Variants in ZNF385D observed in about 807,000 individuals in gnomAD.
ZNF385D encodes zinc finger protein 385D, also known as zinc finger protein 659.
ZNF385D carries 15 observed loss-of-function variants against 35.8 expected under a neutral mutation model. The ratio of observed to expected loss-of-function variants is 0.42; its 90% CI spans 0.28 to 0.64. The LOEUF (loss-of-function observed/expected upper bound fraction) is 0.64. ZNF385D is among the 30% of genes least tolerant of loss of function. ZNF385D has a pLI of 0.23. For synonymous variants in ZNF385D, 212 were observed against 186.8 expected (o/e 1.13, Z -1.10); for missense variants, 474 against 494.6 (o/e 0.96, Z 0.39).
chr3:22,330,182 T>A (rs895076961), intron 2 of ZNF385D, among the ~76,000 whole-genome samples: 3 of 152,218 alleles, frequency 2.0e-5, no homozygotes, highest in African/African-American at 7.2e-5. Flanking sequence ...TTACAAGAAG[T>A]ATTCTTATTT....
chr3:22,272,483 T>G (rs1349385211), intron 2 of ZNF385D, among the ~76,000 whole-genome samples: 1 of 152,044 alleles, frequency 6.6e-6, no homozygotes, highest in Non-Finnish European at 1.5e-5. Flanking sequence ...TAATTACCTT[T>G]GCTGATGTCC....
At position 21,922,287 on chromosome 3, in the gene ZNF385D, T is replaced by C. The variant is rs559594637; in HGVS notation, c.325+246530A>G. Among the ~76,000 whole-genome samples, 12 of 152,132 alleles carry C rather than the reference T, an allele frequency of 7.9e-5. 1 individual carries two copies. The South Asian group carries it at 1.5e-3, about 18-fold the overall frequency. ...TTTTCACAGAATTAGAAAAAAAATT[T>C]TATAAAAATCATGTAGAACTAAAAA... On this transcript the variant is annotated intron_variant, in intron 3 of 5. Coordinates refer to the ZNF385D transcript ENST00000494108.
chr3:21,931,601 C>G (rs1005439770), intron 3 of ZNF385D, among the ~76,000 whole-genome samples: 3 of 152,060 alleles, frequency 2.0e-5, no homozygotes, highest in African/African-American at 7.2e-5. Flanking sequence ...CAAGAATATA[C>G]CACGATATGG....
chr3:21,734,909 G>A (rs576071993), intron 1 of ZNF385D, among the ~76,000 whole-genome samples: 1 of 151,616 alleles, frequency 6.6e-6, no homozygotes, highest in South Asian at 2.1e-4. Context: ...GATAAATGAT[G>A]CACACTGCTG....
chr3:22,300,482 C>A (rs1247867449), intron 2 of ZNF385D, among the ~76,000 whole-genome samples: 17 of 150,926 alleles, frequency 1.1e-4, no homozygotes, highest in Admixed American at 1.1e-3. Flanking sequence ...GCAAAGAGAA[C>A]AATCAACAGA....
intron 2 of ZNF385D, among the ~76,000 whole-genome samples, chr3:22,371,019 G>A (rs1265059718): frequency 6.6e-6 from 1 of 152,148 alleles, no homozygotes; most frequent in Non-Finnish European, 1.5e-5. Context: ...TTAGCTCCAT[G>A]AAGAGAGTGC....
At chr3:22,259,701 C>T (rs9834335) in intron 2 of ZNF385D, among the ~76,000 whole-genome samples, 1,708 of 151,994 alleles carry the variant, frequency 0.011, 25 homozygotes, top group African/African-American at 0.038. Flanking sequence ...AGGAAAAAAA[C>T]TATGAGCACG....
chr3:21,634,252 G>A (rs548508124), intron 2 of ZNF385D, among the ~76,000 whole-genome samples: 2 of 150,158 alleles, frequency 1.3e-5, no homozygotes, highest in South Asian at 2.1e-4. Flanking sequence ...GCAGAAGGGA[G>A]GGAGGGAGGA....
intron 3 of ZNF385D, among the ~76,000 whole-genome samples, chr3:21,550,080 G>C (rs959642219): frequency 9.2e-5 from 14 of 152,086 alleles, no homozygotes; most frequent in Non-Finnish European, 1.6e-4. Flanking sequence ...GACAAAATAT[G>C]CAGCTTAAAA....
At chr3:21,905,214 A>AAAAC (rs1280284013) in intron 3 of ZNF385D, among the ~76,000 whole-genome samples, 4 of 149,170 alleles carry the variant, frequency 2.7e-5, no homozygotes, top group Non-Finnish European at 5.9e-5. Context: ...CCAAAAAAAA[A>AAAAC]AAAAAAAAAA....
At chr3:21,497,122 AGAT>A (rs1234416670) in intron 4 of ZNF385D, among the ~76,000 whole-genome samples, 3 of 152,172 alleles carry the variant, frequency 2.0e-5, no homozygotes, top group Non-Finnish European at 4.4e-5. Context: ...CCCTATTTGC[AGAT>A]GATATGATCC....
rs938713301 is a variant in ZNF385D, at chr3:21,995,057, G to T, written c.325+173760C>A. Among the ~76,000 whole-genome samples, 10 of 152,306 alleles carry T rather than the reference G, an allele frequency of 6.6e-5. No individual in the cohort carries two copies. In the East Asian group the frequency reaches 1.9e-3, roughly 29 times the overall value. ...TCTTGGTGCCAGCAGTGACAGCAAT[G>T]GGCCAAATAAGTGGATAGGTCGTCA... On this transcript the variant is annotated intron_variant, in intron 3 of 5. Transcript: ENST00000494108.
chr3:21,958,977 T>A (rs1472036054), intron 3 of ZNF385D: 7 of 152,198 alleles, frequency 4.6e-5, no homozygotes, highest in Non-Finnish European at 1.0e-4. Flanking sequence ...GATTTCATAA[T>A]GCAATATTAC....
intron 3 of ZNF385D, among the ~76,000 whole-genome samples, chr3:21,899,428 G>A (rs986908033): frequency 6.6e-6 from 1 of 152,062 alleles, no homozygotes; most frequent in Non-Finnish European, 1.5e-5. Context: ...TTATCTAAAG[G>A]GCTTGTTAAG....
intron 3 of ZNF385D, among the ~76,000 whole-genome samples, chr3:21,803,151 G>C (rs1474631378): frequency 1.3e-5 from 2 of 152,102 alleles, no homozygotes; most frequent in East Asian, 3.9e-4. Flanking sequence ...GGCATTTCCA[G>C]CTCTCTGTAT....
rs573443580 is a variant in ZNF385D at position 22,253,842 on chromosome 3, A to G, written c.107-84807T>C. Among the ~76,000 whole-genome samples, 3 of 152,028 alleles carry G rather than the reference A, an allele frequency of 2.0e-5. No homozygotes were observed. In the East Asian group the frequency reaches 5.8e-4, roughly 29 times the overall value. Reference sequence around the variant, plus strand: ...ACAAGAGAGAAAAATCCAGAAACAAACAAAACATGACAAGAGAGGCATTTC... The same window carrying G: ...ACAAGAGAGAAAAATCCAGAAACAAGCAAAACATGACAAGAGAGGCATTTC... On this transcript the variant is annotated intron_variant, in intron 2 of 5. Coordinates refer to the ZNF385D transcript ENST00000494108.
At chr3:22,337,143 G>T (rs11718566) in intron 2 of ZNF385D, among the ~76,000 whole-genome samples, 1 of 151,852 alleles carries the variant, frequency 6.6e-6, no homozygotes, top group Non-Finnish European at 1.5e-5. Flanking sequence ...TCAACATTTA[G>T]AAGTAAAGCT....
Position 22,236,778 on chromosome 3 carries a change from G to A in ZNF385D, c.107-67743C>T, listed in dbSNP as rs192510762. Reference sequence around the variant, plus strand: ...TGTCTCTATAGATTGGTTTATGCTGGGCATTTTATATAAATAGAATCATAC... The same window carrying A: ...TGTCTCTATAGATTGGTTTATGCTGAGCATTTTATATAAATAGAATCATAC... On this transcript the variant is annotated intron_variant, in intron 2 of 5. Coordinates refer to the ZNF385D transcript ENST00000494108. Among the ~76,000 whole-genome samples, 4 of 152,128 alleles carry A rather than the reference G, an allele frequency of 2.6e-5. No homozygotes were observed. The East Asian group carries it at 5.8e-4, about 22-fold the overall frequency.
At chr3:21,490,169 A>T (rs892539355) in intron 4 of ZNF385D, among the ~76,000 whole-genome samples, 5 of 151,256 alleles carry the variant, frequency 3.3e-5, no homozygotes, top group Non-Finnish European at 7.4e-5. Flanking sequence ...ATTTTTATTT[A>T]TTTATACTTT....
Sources: allele counts gnomAD v4.1 joint callset (sites outside exome capture counted in the v4.1 genomes callset), GRCh38; gene constraint gnomAD v4.1.1; transcripts MANE v1.5; gene names NCBI Gene and HGNC (gene_info 2026-07-23, HGNC 2026-07-21).